The following ANK3 variants were observed in gnomAD, a reference collection of about 807,000 sequenced individuals.
ANK3 encodes the protein ankyrin-3.
A neutral mutation model predicts 370.9 loss-of-function variants in ANK3; 57 were observed. The observed-to-expected ratio is 0.15, with a 90% confidence interval of 0.12 to 0.19. The LOEUF is 0.19. Ranked by LOEUF, ANK3 falls within the 10% of genes least tolerant of loss-of-function variation. ANK3 has a pLI of 1.00. For missense variants in ANK3, 4,439 were observed against 5,302.1 expected (o/e 0.84, Z 5.06); for synonymous variants, 1,929 against 1,946.3 (o/e 0.99, Z 0.23).
intron 28 of ANK3, among the ~76,000 whole-genome samples, chr10:60,104,357 C>CAAAAAAAAAAAAAAAAAAAAAAAA (rs747064489): frequency 1.1e-4 from 6 of 53,756 alleles, no homozygotes; most frequent in Admixed American, 3.1e-4. Flanking sequence ...GACTCCATCT[C>CAAAAAAAAAAAAAAAAAAAAAAAA]AAAAAAAAAA....
At chr10:60,666,900 A>G (rs1211304502) in intron 1 of ANK3, among the ~76,000 whole-genome samples, 1 of 152,050 alleles carries the variant, frequency 6.6e-6, no homozygotes, top group Non-Finnish European at 1.5e-5. Flanking sequence ...ATTTTGAAAG[A>G]CTGTAATGCT....
At chr10:60,370,818 C>T (rs2060007274) in intron 1 of ANK3, among the ~76,000 whole-genome samples, 1 of 152,130 alleles carries the variant, frequency 6.6e-6, no homozygotes, top group East Asian at 1.9e-4. Context: ...CATTTGTGAG[C>T]TAGCTCTGAA....
At chr10:60,459,504 C>T (rs914068008) in intron 2 of ANK3, among the ~76,000 whole-genome samples, 3 of 152,128 alleles carry the variant, frequency 2.0e-5, no homozygotes, top group African/African-American at 7.2e-5. Context: ...CTTTACTCAG[C>T]TATTTTTTTG....
At chr10:60,398,094 T>C (rs1285902234) in intron 2 of ANK3, among the ~76,000 whole-genome samples, 1 of 152,200 alleles carries the variant, frequency 6.6e-6, no homozygotes, top group Non-Finnish European at 1.5e-5. Context: ...CCTAATGGAC[T>C]CTGTGAAAAA....
At chr10:60,594,801 G>T (rs2077964616) in intron 2 of ANK3, among the ~76,000 whole-genome samples, 1 of 152,012 alleles carries the variant, frequency 6.6e-6, no homozygotes, top group Non-Finnish European at 1.5e-5. Flanking sequence ...GTTTCACTAT[G>T]ATGAGGTCTT....
At chr10:60,433,028 A>T (rs1329726448) in intron 2 of ANK3, among the ~76,000 whole-genome samples, 1 of 152,206 alleles carries the variant, frequency 6.6e-6, no homozygotes, top group East Asian at 1.9e-4. Context: ...GATCATGATG[A>T]CAGAGACTGC....
chr10:60,181,305 G>T, intron 18 of ANK3, 24 bp downstream of exon 18: 1 of 1,601,632 alleles, frequency 6.2e-7, no homozygotes, highest in Non-Finnish European at 8.6e-7. Flanking sequence ...ATTCTTTTCC[G>T]TGTGGCAAGG....
At chr10:60,605,306 G>A (rs1266630743) in intron 2 of ANK3, among the ~76,000 whole-genome samples, 4 of 151,874 alleles carry the variant, frequency 2.6e-5, no homozygotes, top group Non-Finnish European at 5.9e-5. Flanking sequence ...AGAAGGGAAA[G>A]CAGGCCAGGT....
intron 1 of ANK3, among the ~76,000 whole-genome samples, chr10:60,370,852 A>G (rs1015588266): frequency 2.0e-5 from 3 of 152,190 alleles, no homozygotes; most frequent in Non-Finnish European, 4.4e-5. Flanking sequence ...CATCAACCTG[A>G]GATAACATTT....
At position 60,331,453 on chromosome 10, in the gene ANK3, A is replaced by G. The variant is rs149158550; in HGVS notation, c.115-51814T>C. ...ATGAAACAGTGTTTTTCTCTGGTTG[A>G]CGAGTTAACAGACGACTTACTTTAA... On this transcript the variant is annotated intron_variant, in intron 1 of 43. Coordinates refer to ENST00000280772, the MANE Select transcript of ANK3 (RefSeq NM_020987.5). 2.0e-3 allele frequency among the ~76,000 whole-genome samples: 299 copies of G among 152,214 alleles called. 2 individuals are homozygous for G. Among genetic ancestry groups the G allele is most frequent in the Middle Eastern group, 0.017 (5 of 294 alleles).
intron 4 of ANK3, among the ~76,000 whole-genome samples, chr10:60,276,502 T>G (rs1423608728): frequency 6.6e-6 from 1 of 152,200 alleles, no homozygotes; most frequent in East Asian, 1.9e-4. Context: ...AGGGCAGGTG[T>G]TCAGATGAAG....
chr10:60,059,368 C>A lies in ANK3; in HGVS notation c.12658G>T (p.Gly4220Cys). Residue 4220 changes from glycine (G) to cysteine (C), a missense_variant, in exon 41 of 44, where the codon GGT becomes TGT. Transcript: ENST00000280772. ...TCATCCAGTCGATCTAGTAACCCACCAGTTACTCTTCGAGCTTGAGCGCAG... is the reference window on the plus strand; with the variant it reads ...TCATCCAGTCGATCTAGTAACCCACAAGTTACTCTTCGAGCTTGAGCGCAG... ...ESCAQARRVT[G>C]GLLDRLDDSP... The A allele has an allele frequency of 6.2e-7, 1 of 1,613,968 alleles. No individual in the cohort carries two copies. The highest frequency in any genetic ancestry group is 8.5e-7 in the Non-Finnish European group (1 of 1,179,922).
intron 23 of ANK3, among the ~76,000 whole-genome samples, chr10:60,159,447 GAGAT>G (rs1434115078): frequency 1.3e-5 from 2 of 152,142 alleles, no homozygotes; most frequent in Non-Finnish European, 2.9e-5. Context: ...GGTAAAGAGA[GAGAT>G]AGACCCCAAT....
chr10:60,658,930 A>G (rs1483513195), intron 1 of ANK3, among the ~76,000 whole-genome samples: 1 of 151,396 alleles, frequency 6.6e-6, no homozygotes, highest in East Asian at 1.9e-4. Context: ...AGGAAAGGAA[A>G]AAAGAAAAGA....
At chr10:60,347,054 G>GATAT (rs34027235) in intron 1 of ANK3, among the ~76,000 whole-genome samples, 252 of 142,528 alleles carry the variant, frequency 1.8e-3, no homozygotes, top group Middle Eastern at 0.014. Flanking sequence ...AGAAATATAT[G>GATAT]ATATATATAT....
At position 60,213,499 on chromosome 10, in the gene ANK3, T is replaced by G. The variant is rs73269474; in HGVS notation, c.909A>C (p.Thr303=). ...CACTCCTTGCTCCACAGTGCAGTGG[T>G]GTCAGACCATCCTGTTGAACAAAGG... ...KIDAKTRDGL[T]PLHCGARSGH... Residue 303 remains threonine (T), a synonymous_variant, in exon 9 of 44, where the codon ACA becomes ACC. Transcript: ENST00000280772. 9,701 of 1,599,594 alleles carry G rather than the reference T, an allele frequency of 6.1e-3. 413 individuals are homozygous for G. In the African/African-American group the frequency reaches 0.097, roughly 16 times the overall value.
chr10:60,655,843 A>C (rs1363928890), intron 1 of ANK3, among the ~76,000 whole-genome samples: 1 of 152,170 alleles, frequency 6.6e-6, no homozygotes, highest in Non-Finnish European at 1.5e-5. Flanking sequence ...CCTTTTAGAC[A>C]CATATTTTAC....
chr10:60,360,787 A>AT (rs1226305621), intron 1 of ANK3, among the ~76,000 whole-genome samples: 5 of 151,798 alleles, frequency 3.3e-5, no homozygotes, highest in East Asian at 1.9e-4. Flanking sequence ...AAGCTTAAAG[A>AT]TTTTTTTTTG....
Position 60,075,149 on chromosome 10 carries a change from T to G in ANK3, c.5732A>C (p.Asp1911Ala), listed in dbSNP as rs754476453. Residue 1911 changes from aspartate (D) to alanine (A), a missense_variant, in exon 37 of 44, where the codon GAC becomes GCC. Physicochemically the swap from Asp to Ala is moderately radical, Grantham distance 126. Coordinates refer to ENST00000280772, the MANE Select transcript of ANK3 (RefSeq NM_020987.5). ...ILKDVAEMKE[D>A]LMRMTAILQT... ...TAGTATTGCGGTCATCCGCATTAGG[T>G]CCTCTTTCATTTCAGCTACATCTTT... 6.2e-7 allele frequency: 1 copy of G among 1,614,144 alleles called. No homozygotes were observed. Among genetic ancestry groups the G allele is most frequent in the South Asian group, 1.1e-5 (1 of 91,086 alleles).
Sources: allele counts gnomAD v4.1 joint callset (sites outside exome capture counted in the v4.1 genomes callset), GRCh38; gene constraint gnomAD v4.1.1; transcripts MANE v1.5; gene names NCBI Gene and HGNC (gene_info 2026-07-23, HGNC 2026-07-21).